FER1L5: variants seen among roughly 807,000 people sequenced by gnomAD.
FER1L5 encodes the protein fer-1 like family member 5.
Under a neutral mutation model 279.9 loss-of-function variants are expected in FER1L5, and 187 were observed. The ratio of observed to expected loss-of-function variants is 0.67; its 90% CI spans 0.59 to 0.75. The LOEUF (loss-of-function observed/expected upper bound fraction) is 0.75. Among genes scored for constraint, FER1L5 ranks in the 30% least tolerant of loss-of-function variants. The pLI is 0.00. For synonymous variants in FER1L5, 921 were observed against 989.7 expected, an observed-to-expected ratio of 0.93 and a Z score of 1.30; for missense variants, 2,091 against 2,594.4, an observed-to-expected ratio of 0.81 and a Z score of 4.21.
intron 37 of FER1L5, among the ~76,000 whole-genome samples, chr2:96,696,396 G>A (rs545293296): frequency 3.5e-4 from 54 of 152,136 alleles, no homozygotes; most frequent in African/African-American, 9.2e-4. Context: ...GGGTTCGAGA[G>A]GTTCTCCTGC....
intron 26 of FER1L5, among the ~76,000 whole-genome samples, 189 bp from the exon 27 acceptor site, chr2:96,690,298 A>T (rs982365274): frequency 6.6e-6 from 1 of 152,196 alleles, no homozygotes; most frequent in South Asian, 2.1e-4. Flanking sequence ...CTTCCAGCGC[A>T]GAAAGGCAGG....
Position 96,694,509 on chromosome 2 carries a change from G to T in FER1L5, c.3741+45G>T. On this transcript the variant is annotated intron_variant, in intron 34 of 52. Coordinates refer to ENST00000624922, the MANE Select transcript of FER1L5 (RefSeq NM_001293083.2). This position sits in a 1 kb window ranked among gnomAD's most constrained non-coding sequence, Gnocchi z 4.6. ...GGGACGGTGGGCAGGACAGGCGGGGGTGGTCTGGAGTGCGCTGCAGCCTTC... is the reference window on the plus strand; with the variant it reads ...GGGACGGTGGGCAGGACAGGCGGGGTTGGTCTGGAGTGCGCTGCAGCCTTC... 1 of 1,438,804 alleles carries T rather than the reference G, an allele frequency of 7.0e-7. No individual in the cohort carries two copies. The allele number at this position is 1,438,804 out of a possible 1,614,324, so 89.1% of individuals were successfully genotyped here.
intron 31 of FER1L5, among the ~76,000 whole-genome samples, chr2:96,692,965 C>T (rs2077211661): frequency 6.6e-6 from 1 of 152,112 alleles, no homozygotes; most frequent in African/African-American, 2.4e-5. Context: ...ATCACGAGGT[C>T]AGGAATTCGA....
Position 96,703,565 on chromosome 2 carries a change from G to T in FER1L5, c.5734G>T (p.Ala1912Ser). ...MSLEILSEKE[A>S]LIKPAGRGQS... is the part of the protein sequence containing the mutation. ...CCTGGAGATTCTGTCAGAGAAGGAA[G>T]CCTTAATCAAGCCAGCCGGGCGAGG... is the stretch of plus-strand genomic sequence containing the variant. Residue 1912 changes from alanine (A) to serine (S), a missense_variant, in exon 51 of 53, where the codon GCC (alanine) becomes TCC (serine). Transcript: ENST00000624922. 1 of 1,613,990 alleles carries T rather than the reference G, an allele frequency of 6.2e-7. No homozygotes were observed. The highest frequency in any genetic ancestry group is 8.5e-7 in the Non-Finnish European group (1 of 1,179,886).
intron 10 of FER1L5, 23 bp from the exon 11 acceptor site, chr2:96,661,302 C>T: frequency 1.3e-6 from 2 of 1,498,622 alleles, no homozygotes; most frequent in East Asian, 2.5e-5. Context: ...GGCAGATCTC[C>T]CATGGCCTTT....
chr2:96,698,924 C>T lies in FER1L5; in HGVS notation c.4518+92C>T. ...CCTCCGACTGCTGACACACAGAATG[C>T]CAACTCCCCATAGGCTCCGTGTGGT... On this transcript the variant is annotated intron_variant, in intron 41 of 52. Transcript: ENST00000624922. The surrounding 1 kb of genome is among the most constrained non-coding windows in gnomAD (Gnocchi z 5.5). The T allele has an allele frequency of 2.0e-6, 3 of 1,528,264 alleles. No individual in the cohort carries two copies. The highest frequency in any genetic ancestry group is 2.7e-6 in the Non-Finnish European group (3 of 1,127,746). The allele number at this position is 1,528,264 out of a possible 1,614,324, so 94.7% of individuals were successfully genotyped here.
intron 17 of FER1L5, 67 bp downstream of exon 17, chr2:96,669,204 C>T (rs932436205): frequency 3.2e-5 from 47 of 1,446,578 alleles, no homozygotes; most frequent in Non-Finnish European, 4.1e-5. Flanking sequence ...GCACTAGGGC[C>T]TGGGACGTGC....
chr2:96,704,091 C>G (rs1220280380), intron 51 of FER1L5, 124 bp from the exon 52 acceptor site: 2 of 1,189,958 alleles, frequency 1.7e-6, no homozygotes, highest in Non-Finnish European at 2.3e-6. Context: ...GCTGGGATTA[C>G]AGGCGTGAGA....
chr2:96,700,120 G>A, intron 44 of FER1L5, 40 bp downstream of exon 44: 2 of 1,608,386 alleles, frequency 1.2e-6, no homozygotes, highest in Non-Finnish European at 1.7e-6. Context: ...ACAGACACAG[G>A]CCTCTGGAAG....
chr2:96,659,363 T>TTC, intron 9 of FER1L5, among the ~76,000 whole-genome samples: 1 of 20,364 alleles, frequency 4.9e-5, no homozygotes, highest in African/African-American at 3.4e-4. Context: ...CCTTCCTTCC[T>TTC]TCTTTCTTTC....
In FER1L5 at chr2:96,673,380, A is replaced by T. The variant is rs571837783; in HGVS notation, c.1669+126A>T. On this transcript the variant is annotated intron_variant, in intron 19 of 52. Transcript: ENST00000624922. ...ATTATTTACCTATATTTCACACATG[A>T]AAAAATGAGGTTCAGGGAGGTGAAG... 1.1e-4 allele frequency: 126 copies of T among 1,111,012 alleles called. No individual in the cohort carries two copies. In the East Asian group the frequency reaches 3.1e-3, roughly 27 times the overall value. The allele number at this position is 1,111,012 out of a possible 1,614,324, so 68.8% of individuals were successfully genotyped here.
Position 96,702,110 on chromosome 2 carries a change from A to G in FER1L5, c.5159+67A>G. 6.3e-7 allele frequency: 1 copy of G among 1,589,200 alleles called. No individual in the cohort carries two copies. On this transcript the variant is annotated intron_variant, in intron 46 of 52. Coordinates refer to ENST00000624922, the MANE Select transcript of FER1L5 (RefSeq NM_001293083.2). This position sits in a 1 kb window ranked among gnomAD's most constrained non-coding sequence, Gnocchi z 4.0. ...CAGAACTCCCCCAGTGCAGGGCACCACTGTCCTCAGGTACTGAGCTGCAGT... is the reference window on the plus strand; with the variant it reads ...CAGAACTCCCCCAGTGCAGGGCACCGCTGTCCTCAGGTACTGAGCTGCAGT...
Position 96,691,417 on chromosome 2 carries a change from C to T in FER1L5, c.2908-28C>T. On this transcript the variant is annotated intron_variant, in intron 28 of 52. Coordinates refer to ENST00000624922, the MANE Select transcript of FER1L5 (RefSeq NM_001293083.2). The surrounding 1 kb of genome is among the most constrained non-coding windows in gnomAD (Gnocchi z 6.0). ...AGGGCCGCCTTGGCTGCTGCAGGAA[C>T]ACAACCCTGCTCTCCTCCCCACCAC... is the stretch of plus-strand genomic sequence containing the variant. 6.5e-7 allele frequency: 1 copy of T among 1,534,686 alleles called. No individual in the cohort carries two copies. Among genetic ancestry groups the T allele is most frequent in the Non-Finnish European group, 8.8e-7 (1 of 1,136,632 alleles).
chr2:96,701,939 TGTATCCCGGCTCTAG>T lies in FER1L5; in HGVS notation c.5071-14_5071del. The stretch of plus-strand genomic sequence containing the variant: ...AGGCTAGCAACCCCCAACCAGTCAA[TGTATCCCGGCTCTAG>T]GGAAAGGTGCAAATGTGGGTGGACA... On this transcript the variant is annotated splice_acceptor_variant and splice_polypyrimidine_tract_variant and intron_variant, in intron 45 of 52. Coordinates refer to ENST00000624922, the MANE Select transcript of FER1L5 (RefSeq NM_001293083.2). LOFTEE classifies it high-confidence loss of function. 2 of 1,613,410 alleles carry T rather than the reference TGTATCCCGGCTCTAG, an allele frequency of 1.2e-6. No homozygotes were observed. Among genetic ancestry groups the T allele is most frequent in the Non-Finnish European group, 1.7e-6 (2 of 1,179,502 alleles).
intron 11 of FER1L5, 22 bp from the exon 12 acceptor site, chr2:96,661,646 A>T: frequency 6.4e-7 from 1 of 1,551,604 alleles, no homozygotes; most frequent in Admixed American, 2.0e-5. Flanking sequence ...CCTTGACTAT[A>T]TCAGCTCTCT....
At chr2:96,663,387 G>C (rs1024893139) in intron 13 of FER1L5, 52 bp from the exon 14 acceptor site, 1 of 1,513,590 alleles carries the variant, frequency 6.6e-7, no homozygotes, top group African/African-American at 1.4e-5. Flanking sequence ...GGTGAGGTCA[G>C]TGGAGGGAGG....
At chr2:96,655,845 G>A (rs1028088136) in intron 9 of FER1L5, among the ~76,000 whole-genome samples, 1 of 152,008 alleles carries the variant, frequency 6.6e-6, no homozygotes, top group Non-Finnish European at 1.5e-5. Context: ...GAGTAGCTTG[G>A]ACTACAGGTG....
At chr2:96,693,797 G>A in intron 32 of FER1L5, 110 bp downstream of exon 32, 1 of 1,476,826 alleles carries the variant, frequency 6.8e-7, no homozygotes, top group Non-Finnish European at 9.0e-7. Flanking sequence ...GGCCTGACGT[G>A]CAGACAGCAC....
intron 19 of FER1L5, among the ~76,000 whole-genome samples, chr2:96,681,598 TA>T (rs958382272): frequency 6.6e-6 from 1 of 152,032 alleles, no homozygotes; most frequent in Admixed American, 6.6e-5. Context: ...TGATATGATA[TA>T]AAAAATCATA....
Sources: gnomAD v4.1 joint callset for allele counts (sites outside exome capture counted in the v4.1 genomes callset) on GRCh38, gnomAD v4.1.1 for gene constraint, Gnocchi (gnomAD v3.1) non-coding constraint, MANE v1.5 for transcripts, NCBI Gene and HGNC (gene_info 2026-07-23, HGNC 2026-07-21) for gene names.